TSNARE1: variants seen among roughly 807,000 people sequenced by gnomAD.
The protein encoded by TSNARE1 is t-SNARE domain-containing protein 1.
In TSNARE1, 49 loss-of-function variants were observed where a neutral mutation model predicts 62.0. That is an observed-to-expected ratio of 0.79 (90% CI 0.63 to 1.00). TSNARE1 has a LOEUF of 1.00. Ranked by LOEUF, TSNARE1 falls within the 50% of genes least tolerant of loss-of-function variation. The probability of loss-of-function intolerance (pLI) is 0.00; values close to 1 mark genes in which losing one functional copy is unlikely to be tolerated. For synonymous variants in TSNARE1, 328 were observed against 294.4 expected (o/e 1.11, Z -1.17); for missense variants, 755 against 700.1 (o/e 1.08, Z -0.88).
Position 142,359,482 on chromosome 8 carries a change from G to A in TSNARE1, c.-39-4719C>T, listed in dbSNP as rs563090013. Among the ~76,000 whole-genome samples, 172 of 152,204 alleles carry A rather than the reference G, an allele frequency of 1.1e-3. 1 individual carries two copies. Among genetic ancestry groups the A allele is most frequent in the Non-Finnish European group, 2.0e-3 (137 of 68,016 alleles). On this transcript the variant is annotated intron_variant, in intron 1 of 13. Transcript: ENST00000524325. ...ATTGGTCCACCCTTCACTGAGGGAG[G>A]AAAGAACAAGAAGCCCAGCCCTCAC...
At chr8:142,397,876 C>T (rs1395376230) in intron 1 of TSNARE1, among the ~76,000 whole-genome samples, 1 of 152,170 alleles carries the variant, frequency 6.6e-6, no homozygotes, top group Non-Finnish European at 1.5e-5. Flanking sequence ...CTGGCCCCTG[C>T]AGGCTCCAGA....
intron 1 of TSNARE1, among the ~76,000 whole-genome samples, chr8:142,391,232 GCA>G (rs1564014667): frequency 2.8e-4 from 29 of 103,278 alleles, no homozygotes; most frequent in Non-Finnish European, 1.6e-4. Context: ...GGACTCTATA[GCA>G]GACGCTGTAC....
chr8:142,256,286 TCA>T (rs1818548817), intron 12 of TSNARE1, among the ~76,000 whole-genome samples: 1 of 70,722 alleles, frequency 1.4e-5, no homozygotes, highest in African/African-American at 5.3e-5. Context: ...ACCATTACCA[TCA>T]TCACCACACC....
intron 12 of TSNARE1, among the ~76,000 whole-genome samples, chr8:142,268,534 G>A (rs970759124): frequency 3.3e-5 from 5 of 152,248 alleles, no homozygotes; most frequent in Admixed American, 6.5e-5. Context: ...TCCCAGCTCT[G>A]TCAACGCCCC....
Position 142,330,936 on chromosome 8 carries a change from C to T in TSNARE1, c.858G>A (p.Gly286=). The T allele has an allele frequency of 6.2e-7, 1 of 1,614,100 alleles. No homozygotes were observed. The highest frequency in any genetic ancestry group is 1.1e-5 in the South Asian group (1 of 91,086). ...TSLERSLQSL[G]TPSDTQELRD... ...GAAGCTCCTGCGTGTCACTCGGTGTCCCTAAGGACTGAAGGCTCCGCTCCA... is the reference window on the plus strand; with the variant it reads ...GAAGCTCCTGCGTGTCACTCGGTGTTCCTAAGGACTGAAGGCTCCGCTCCA... The change falls in exon 6 of 14, where the codon GGG becomes GGA. Residue 286 remains glycine, a synonymous_variant. Transcript: ENST00000524325.
At chr8:142,308,023 G>A (rs35605166) in intron 9 of TSNARE1, among the ~76,000 whole-genome samples, 35,399 of 152,142 alleles carry the variant, frequency 0.23, 4,661 homozygotes, top group African/African-American at 0.35. Context: ...TGAGCCAACC[G>A]GAATCCTCTT....
chr8:142,277,984 C>T (rs1820778815), intron 11 of TSNARE1: 1 of 985,432 alleles, frequency 1.0e-6, no homozygotes. Flanking sequence ...CCATAGGACC[C>T]TTGGCTGCAA....
At chr8:142,346,549 G>A (rs1250532567) in intron 2 of TSNARE1, among the ~76,000 whole-genome samples, 5 of 152,204 alleles carry the variant, frequency 3.3e-5, no homozygotes, top group Admixed American at 6.5e-5. Context: ...CCAGAACCAC[G>A]ATGTGCCTTT....
rs1044579384 is a variant in TSNARE1 at position 142,276,600 on chromosome 8, G to A, written c.1364-1737C>T. The A allele has an allele frequency of 4.1e-6, 4 of 985,300 alleles. No individual in the cohort carries two copies. In the African/African-American group the frequency reaches 5.2e-5, roughly 13 times the overall value. 61.0% of individuals were successfully genotyped at this position (985,300 alleles called of 1,614,324 possible). A position where few individuals can be genotyped will look rare whatever the true frequency, so the allele number is the denominator to read the frequency against. On this transcript the variant is annotated intron_variant, in intron 11 of 13. Coordinates refer to ENST00000524325, the MANE Select transcript of TSNARE1 (RefSeq NM_145003.5). ...ACACAGGTGGTGCTGGACAGGCCAT[G>A]TGCCCTGGCTGGACACTTTCTCTGC...
chr8:142,245,994 TTCCAC>T (rs2130235062), intron 12 of TSNARE1, among the ~76,000 whole-genome samples: 1 of 152,310 alleles, frequency 6.6e-6, no homozygotes, highest in East Asian at 1.9e-4. Context: ...AATTCCAAAA[TTCCAC>T]TGCTGTAAGA....
chr8:142,297,684 C>T (rs1335355996), intron 10 of TSNARE1, among the ~76,000 whole-genome samples: 2 of 152,220 alleles, frequency 1.3e-5, no homozygotes, highest in African/African-American at 2.4e-5. Flanking sequence ...GCAGAGCAAT[C>T]GGGCCAGCAG....
intron 11 of TSNARE1, 48 bp downstream of exon 11, chr8:142,284,365 G>T: frequency 6.7e-7 from 1 of 1,495,014 alleles, no homozygotes; most frequent in Non-Finnish European, 9.3e-7. Context: ...GGGCTGGCAG[G>T]CAGGCCCTCG....
intron 9 of TSNARE1, among the ~76,000 whole-genome samples, chr8:142,309,191 A>G (rs1441362538): frequency 6.6e-6 from 1 of 152,018 alleles, no homozygotes; most frequent in East Asian, 1.9e-4. Flanking sequence ...GTGCGTTCGG[A>G]TTTTCCATGG....
At chr8:142,396,780 C>T (rs988082779) in intron 1 of TSNARE1, among the ~76,000 whole-genome samples, 2 of 152,194 alleles carry the variant, frequency 1.3e-5, no homozygotes, top group Non-Finnish European at 2.9e-5. Context: ...TGGGAAGTTT[C>T]CTGATCTGAG....
chr8:142,277,267 G>A (rs932987809), intron 11 of TSNARE1: 21 of 985,276 alleles, frequency 2.1e-5, no homozygotes, highest in Non-Finnish European at 2.3e-5. Context: ...CTAGGCCAGA[G>A]GCCTCCAGGG....
At chr8:142,231,875 G>A (rs570028358) in intron 12 of TSNARE1, among the ~76,000 whole-genome samples, 49 of 152,324 alleles carry the variant, frequency 3.2e-4, no homozygotes, top group Non-Finnish European at 5.9e-4. Flanking sequence ...CATAAGCCCC[G>A]TGCACTTGGA....
intron 9 of TSNARE1, among the ~76,000 whole-genome samples, chr8:142,311,178 A>C (rs994532752): frequency 4.9e-5 from 7 of 142,388 alleles, no homozygotes; most frequent in African/African-American, 1.8e-4. Context: ...TTTTTTAATT[A>C]TTTGAGACGG....
At chr8:142,274,649 A>G (rs889609305) in intron 12 of TSNARE1, 132 bp downstream of exon 12, 1 of 1,363,430 alleles carries the variant, frequency 7.3e-7, no homozygotes, top group African/African-American at 1.5e-5. Context: ...ACTGGTTCAG[A>G]GGAGGCCTGT....
chr8:142,312,684 C>A (rs375322950), intron 9 of TSNARE1, among the ~76,000 whole-genome samples: 5 of 152,280 alleles, frequency 3.3e-5, no homozygotes, highest in African/African-American at 1.2e-4. Flanking sequence ...CACACACCAG[C>A]GAATATGGAT....
Sources: gnomAD v4.1 joint callset for allele counts (sites outside exome capture counted in the v4.1 genomes callset) on GRCh38, gnomAD v4.1.1 for gene constraint, MANE v1.5 for transcripts, NCBI Gene and HGNC (gene_info 2026-07-23, HGNC 2026-07-21) for gene names.